The following GNG12 variants were observed in gnomAD, a reference collection of about 807,000 sequenced individuals.
GNG12 encodes the protein G protein subunit gamma 12.
For missense variants in GNG12, 69 were observed against 83.8 expected (o/e 0.82, Z 0.69); for synonymous variants, 28 against 29.7 (o/e 0.94, Z 0.19).
At chr1:67,714,384 T>C (rs1201447211) in intron 2 of GNG12, among the ~76,000 whole-genome samples, 2 of 152,158 alleles carry the variant, frequency 1.3e-5, no homozygotes, top group Admixed American at 6.5e-5. Context: ...ACTTCCCAGA[T>C]CTAAGGCCTT....
intron 1 of GNG12, among the ~76,000 whole-genome samples, chr1:67,792,290 G>GA (rs1646805881): frequency 6.6e-6 from 1 of 151,112 alleles, no homozygotes; most frequent in Non-Finnish European, 1.5e-5. Flanking sequence ...AGGCATTCAA[G>GA]AAAAAATACA....
chr1:67,712,972 G>C (rs1262227321), intron 2 of GNG12, among the ~76,000 whole-genome samples: 1 of 151,912 alleles, frequency 6.6e-6, no homozygotes, highest in Non-Finnish European at 1.5e-5. Flanking sequence ...CTGGTGATCC[G>C]CCTGCCTTGG....
chr1:67,792,254 G>A (rs1646805724), intron 1 of GNG12, among the ~76,000 whole-genome samples: 1 of 152,168 alleles, frequency 6.6e-6, no homozygotes, highest in Non-Finnish European at 1.5e-5. Flanking sequence ...CACTCCCAGT[G>A]CCTGAGGCAA....
chr1:67,732,417 A>G (rs1392465212), intron 2 of GNG12, among the ~76,000 whole-genome samples: 2 of 152,226 alleles, frequency 1.3e-5, no homozygotes, highest in African/African-American at 4.8e-5. Context: ...GGTGGGGAAA[A>G]GAGACAGACC....
At chr1:67,822,270 A>G (rs1403390169) in intron 1 of GNG12, among the ~76,000 whole-genome samples, 2 of 151,862 alleles carry the variant, frequency 1.3e-5, no homozygotes, top group Non-Finnish European at 2.9e-5. Context: ...GGCCCAGGAA[A>G]GTCAAAAGAT....
chr1:67,725,094 T>C (rs980198728), intron 2 of GNG12, among the ~76,000 whole-genome samples: 6 of 152,104 alleles, frequency 3.9e-5, no homozygotes, highest in Non-Finnish European at 8.8e-5. Context: ...ATGGACAGGA[T>C]TAAAAAAGCC....
intron 2 of GNG12, among the ~76,000 whole-genome samples, chr1:67,770,489 C>T (rs558923482): frequency 2.0e-4 from 31 of 152,178 alleles, no homozygotes; most frequent in Middle Eastern, 3.4e-3. Context: ...GAATATGAAC[C>T]CTGGACACCC....
intron 1 of GNG12, among the ~76,000 whole-genome samples, chr1:67,786,945 G>A (rs1231828279): frequency 0.066 from 1,777 of 26,962 alleles, 69 homozygotes; most frequent in African/African-American, 0.13. Context: ...ATGTGTGTGT[G>A]TGTGTGTGTG....
intron 2 of GNG12, among the ~76,000 whole-genome samples, chr1:67,711,156 T>C (rs758751346): frequency 4.6e-5 from 7 of 152,224 alleles, no homozygotes; most frequent in Non-Finnish European, 1.0e-4. Flanking sequence ...CATAGATTTA[T>C]TAAACACAAA....
chr1:67,770,321 A>G (rs567702209), intron 2 of GNG12, among the ~76,000 whole-genome samples: 1 of 152,320 alleles, frequency 6.6e-6, no homozygotes, highest in South Asian at 2.1e-4. Context: ...CAGCCCAGAG[A>G]AAAGGGTTTC....
chr1:67,776,355 C>T (rs925843623), intron 2 of GNG12, among the ~76,000 whole-genome samples: 6 of 152,154 alleles, frequency 3.9e-5, no homozygotes, highest in Non-Finnish European at 5.9e-5. Flanking sequence ...CCAAAAATGG[C>T]TACATTTCTT....
chr1:67,744,821 C>A (rs1412336837), intron 2 of GNG12, among the ~76,000 whole-genome samples: 2 of 151,584 alleles, frequency 1.3e-5, no homozygotes, highest in African/African-American at 4.9e-5. Context: ...TGAATCTCTA[C>A]CTCCAAATCT....
At chr1:67,826,209 G>A (rs1292225443) in intron 1 of GNG12, among the ~76,000 whole-genome samples, 2 of 152,334 alleles carry the variant, frequency 1.3e-5, no homozygotes, top group Middle Eastern at 3.4e-3. Flanking sequence ...GCTGCTGGTA[G>A]CCATATTGTG....
At chr1:67,705,674 T>C in intron 3 of GNG12, 98 bp from the exon 4 acceptor site, 1 of 1,439,540 alleles carries the variant, frequency 6.9e-7, no homozygotes. Flanking sequence ...GGAAGACTGA[T>C]TTGAACAAGA....
intron 1 of GNG12, among the ~76,000 whole-genome samples, chr1:67,827,000 A>C (rs142648256): frequency 1.9e-4 from 29 of 152,334 alleles, no homozygotes; most frequent in African/African-American, 7.0e-4. Context: ...CACATCAATG[A>C]AGTTAAGATT....
rs915722044 is a variant in GNG12 at position 67,803,667 on chromosome 1, A to C, written c.-76-26160T>G. On this transcript the variant is annotated intron_variant, in intron 1 of 3. Coordinates refer to ENST00000370982, the MANE Select transcript of GNG12 (RefSeq NM_018841.6). ...ATCTTCACAACAACCTTACGAAGTT[A>C]TGTTCCCTTTTTAGAGATGCTTAGA... Among the ~76,000 whole-genome samples the C allele has an allele frequency of 1.2e-4, 18 of 152,242 alleles. 1 individual carries two copies. The highest frequency in any genetic ancestry group is 9.8e-4 in the Admixed American group (15 of 15,292).
intron 1 of GNG12, among the ~76,000 whole-genome samples, chr1:67,805,144 C>T (rs1370993069): frequency 6.6e-6 from 1 of 152,200 alleles, no homozygotes; most frequent in African/African-American, 2.4e-5. Context: ...CTTGTGAGTT[C>T]ATAGTCCTGG....
At chr1:67,779,732 T>G (rs982829179) in intron 1 of GNG12, among the ~76,000 whole-genome samples, 1 of 152,152 alleles carries the variant, frequency 6.6e-6, no homozygotes, top group Non-Finnish European at 1.5e-5. Flanking sequence ...ACTATAGTTA[T>G]GTGTCCCTGA....
chr1:67,748,517 TG>T (rs1335029757), intron 2 of GNG12, among the ~76,000 whole-genome samples: 1 of 152,126 alleles, frequency 6.6e-6, no homozygotes, highest in Non-Finnish European at 1.5e-5. Flanking sequence ...AAATCGTGCT[TG>T]GGGGGATAAG....
Sources: gnomAD v4.1 joint callset for allele counts (sites outside exome capture counted in the v4.1 genomes callset) on GRCh38, gnomAD v4.1.1 for gene constraint, MANE v1.5 for transcripts, NCBI Gene and HGNC (gene_info 2026-07-23, HGNC 2026-07-21) for gene names.